Variants in PPM1G observed in about 807,000 individuals in gnomAD.
PPM1G encodes the protein protein phosphatase 1G.
PPM1G carries 12 observed loss-of-function variants against 59.4 expected under a neutral mutation model. The ratio of observed to expected loss-of-function variants is 0.20; its 90% CI spans 0.13 to 0.33. PPM1G has a LOEUF of 0.33. PPM1G is among the 10% of genes least tolerant of loss of function. The pLI, the probability that PPM1G is intolerant of heterozygous loss-of-function variation, is 1.00. For missense variants in PPM1G, 392 were observed against 681.3 expected (o/e 0.58, Z 4.73); for synonymous variants, 245 against 251.9 (o/e 0.97, Z 0.26).
intron 9 of PPM1G, 145 bp from the exon 10 acceptor site, chr2:27,381,950 C>T: frequency 5.0e-6 from 5 of 1,005,758 alleles, no homozygotes; most frequent in Non-Finnish European, 7.5e-6. Flanking sequence ...ACCTGCTAGT[C>T]CATAAGGCAT....
chr2:27,383,443 G>T lies in PPM1G; in HGVS notation c.1124C>A (p.Ala375Glu). The change falls in exon 7 of 10, where the codon GCA (alanine) becomes GAA (glutamate). Residue 375 changes from alanine to glutamate, a missense_variant. Physicochemically the swap from Ala to Glu is moderately radical, Grantham distance 107. Coordinates refer to ENST00000344034, the MANE Select transcript of PPM1G (RefSeq NM_177983.3). This position sits in a 1 kb window ranked among gnomAD's most constrained non-coding sequence, Gnocchi z 5.0. ...DHKPEDEVEL[A>E]RIKNAGGKVT... Reference sequence around the variant, plus strand: ...CTTGCCACCAGCATTCTTGATGCGTGCTAGTTCTACTTCATCCTCTGGTTT... The same window carrying T: ...CTTGCCACCAGCATTCTTGATGCGTTCTAGTTCTACTTCATCCTCTGGTTT... 6.2e-7 allele frequency: 1 copy of T among 1,614,164 alleles called. No individual in the cohort carries two copies. Among genetic ancestry groups the T allele is most frequent in the East Asian group, 2.2e-5 (1 of 44,882 alleles).
rs1482855351 is a variant in PPM1G, at chr2:27,384,072, A to G, written c.846T>C (p.Asp282=). 6.2e-7 allele frequency: 1 copy of G among 1,613,886 alleles called. No individual in the cohort carries two copies. The part of the protein sequence containing the change: ...EDSEECSEEE[D]GYSSEEAENE... The stretch of plus-strand genomic sequence containing the variant: ...TCTCTGCCTCCTCACTGCTGTAGCC[A>G]TCCTCTTCCTCGCTGCATTCCTGCC... The change falls in exon 6 of 10, where the codon GAT becomes GAC. Residue 282 remains aspartate, a synonymous_variant. Transcript: ENST00000344034. This position sits in a 1 kb window ranked among gnomAD's most constrained non-coding sequence, Gnocchi z 4.8.
chr2:27,395,680 G>A (rs1190921463), intron 1 of PPM1G, among the ~76,000 whole-genome samples: 3 of 151,630 alleles, frequency 2.0e-5, no homozygotes, highest in Non-Finnish European at 2.9e-5. Context: ...CTGTCTCTAC[G>A]AAAAAATTTT....
chr2:27,400,853 CAGA>C (rs778116805), intron 1 of PPM1G, among the ~76,000 whole-genome samples: 3 of 152,298 alleles, frequency 2.0e-5, no homozygotes, highest in East Asian at 3.9e-4. Flanking sequence ...TCTATCTGAA[CAGA>C]AGGAGAGAAT....
chr2:27,402,589 G>C (rs1042626168), intron 1 of PPM1G, among the ~76,000 whole-genome samples: 1 of 151,728 alleles, frequency 6.6e-6, no homozygotes, highest in Non-Finnish European at 1.5e-5. Context: ...GGTGGATCAC[G>C]AGGTCAGGAA....
In PPM1G at chr2:27,397,610, T is replaced by C. The variant is rs1684082647; in HGVS notation, c.121-10452A>G. Among the ~76,000 whole-genome samples the C allele has an allele frequency of 2.0e-5, 3 of 152,126 alleles. No individual in the cohort carries two copies. In the South Asian group the frequency reaches 6.2e-4, roughly 32 times the overall value. ...AAAACCCTATGATCATCACAATAGG[T>C]ATTATAAAGGCACTTGACAAAATTC... On this transcript the variant is annotated intron_variant, in intron 1 of 9. Coordinates refer to ENST00000344034, the MANE Select transcript of PPM1G (RefSeq NM_177983.3).
chr2:27,391,824 C>T (rs1683913463), intron 1 of PPM1G, among the ~76,000 whole-genome samples: 1 of 151,208 alleles, frequency 6.6e-6, no homozygotes, highest in African/African-American at 2.4e-5. Context: ...CTCTGCCTCT[C>T]GGGTTCAAGC....
At chr2:27,390,653 T>A (rs79150394) in intron 1 of PPM1G, among the ~76,000 whole-genome samples, 1 of 152,132 alleles carries the variant, frequency 6.6e-6, no homozygotes, top group African/African-American at 2.4e-5. Context: ...GTTTTTTTTT[T>A]ATTTTTCAAT....
rs764294997 is a variant in PPM1G, at chr2:27,387,043, G to A, written c.190+46C>T. ...GACCTGTTCTTGCCCTGGAACGTCT[G>A]GAATTGGGGTCCTAGAATGTTACCA... On this transcript the variant is annotated intron_variant, in intron 2 of 9. Coordinates refer to ENST00000344034, the MANE Select transcript of PPM1G (RefSeq NM_177983.3). 3 of 1,473,404 alleles carry A rather than the reference G, an allele frequency of 2.0e-6. No homozygotes were observed. The South Asian group carries it at 3.4e-5, about 17-fold the overall frequency. 91.3% of individuals were successfully genotyped at this position (1,473,404 alleles called of 1,614,324 possible).
At chr2:27,401,960 T>G (rs1331399184) in intron 1 of PPM1G, among the ~76,000 whole-genome samples, 1 of 152,162 alleles carries the variant, frequency 6.6e-6, no homozygotes, top group East Asian at 1.9e-4. Context: ...GTATGGTATA[T>G]GAACCATATG....
intron 1 of PPM1G, among the ~76,000 whole-genome samples, chr2:27,402,252 G>C (rs1411826941): frequency 6.6e-6 from 1 of 152,140 alleles, no homozygotes; most frequent in Non-Finnish European, 1.5e-5. Flanking sequence ...CTAAAGATTT[G>C]TTTCCAGATA....
chr2:27,407,068 C>T (rs1027434638), intron 1 of PPM1G, among the ~76,000 whole-genome samples: 3 of 150,936 alleles, frequency 2.0e-5, no homozygotes, highest in African/African-American at 4.9e-5. Flanking sequence ...GGGATTCAAG[C>T]GATTCTCCTG....
chr2:27,406,613 CA>C (rs570991739), intron 1 of PPM1G, among the ~76,000 whole-genome samples: 1 of 151,620 alleles, frequency 6.6e-6, no homozygotes, highest in Non-Finnish European at 1.5e-5. Flanking sequence ...CCGTCCCTGA[CA>C]AAAAAAATCA....
chr2:27,406,071 G>T (rs1180735567), intron 1 of PPM1G, among the ~76,000 whole-genome samples: 1 of 152,158 alleles, frequency 6.6e-6, no homozygotes, highest in African/African-American at 2.4e-5. Context: ...GCTTGAAACA[G>T]GCAGAAAGTA....
In PPM1G at chr2:27,393,060, G is replaced by A. The variant is rs1345912784; in HGVS notation, c.121-5902C>T. On this transcript the variant is annotated intron_variant, in intron 1 of 9. Transcript: ENST00000344034. ...CAATTTTTTCCAAATGTAATCCATC[G>A]CATTCAGCCCGCTCTCCCATCGCAT... 8.6e-6 allele frequency: 11 copies of A among 1,286,260 alleles called. No individual in the cohort carries two copies. In the South Asian group the frequency reaches 9.4e-5, roughly 11 times the overall value. The allele number at this position is 1,286,260 out of a possible 1,614,324, so 79.7% of individuals were successfully genotyped here.
intron 1 of PPM1G, among the ~76,000 whole-genome samples, chr2:27,408,395 C>T (rs964899446): frequency 5.9e-5 from 9 of 152,152 alleles, no homozygotes; most frequent in Non-Finnish European, 1.3e-4. Flanking sequence ...TCCCTTTCCT[C>T]CCTACCGCAG....
Position 27,386,292 on chromosome 2 carries a change from G to T in PPM1G, c.191-13C>A, listed in dbSNP as rs768185683. 1 of 1,585,172 alleles carries T rather than the reference G, an allele frequency of 6.3e-7. No individual in the cohort carries two copies. Among genetic ancestry groups the T allele is most frequent in the Non-Finnish European group, 8.7e-7 (1 of 1,154,014 alleles). ...GCAACTTCCTCCCCTAGAAGGAAAG[G>T]AAGGAAGGTCACCTGGAGCACTGCT... On this transcript the variant is annotated splice_polypyrimidine_tract_variant and intron_variant, in intron 2 of 9. Coordinates refer to ENST00000344034, the MANE Select transcript of PPM1G (RefSeq NM_177983.3).
intron 9 of PPM1G, 118 bp from the exon 10 acceptor site, chr2:27,381,923 G>A: frequency 9.0e-7 from 1 of 1,109,940 alleles, no homozygotes; most frequent in Non-Finnish European, 1.3e-6. Flanking sequence ...TGGGCAAGAG[G>A]TATCACACAA....
rs1301287215 is a variant in PPM1G, at chr2:27,383,908, G to T, written c.966+44C>A. The stretch of plus-strand genomic sequence containing the variant: ...AATCAAAATTAGGGGATTCACACCT[G>T]CCTTGTGGCTTTTCAAGACTCATTG... On this transcript the variant is annotated intron_variant, in intron 6 of 9. Transcript: ENST00000344034. This position sits in a 1 kb window ranked among gnomAD's most constrained non-coding sequence, Gnocchi z 5.0. 29 of 1,550,598 alleles carry T rather than the reference G, an allele frequency of 1.9e-5. No homozygotes were observed. Among genetic ancestry groups the T allele is most frequent in the Non-Finnish European group, 2.5e-5 (29 of 1,146,362 alleles).
Sources: allele counts gnomAD v4.1 joint callset (sites outside exome capture counted in the v4.1 genomes callset), GRCh38; gene constraint gnomAD v4.1.1; non-coding constraint Gnocchi (gnomAD v3.1); transcripts MANE v1.5; gene names NCBI Gene and HGNC (gene_info 2026-07-23, HGNC 2026-07-21).